SMYD3: variants seen among roughly 807,000 people sequenced by gnomAD.
SMYD3 encodes SET and MYND domain containing 3, also known as histone-lysine N-methyltransferase SMYD3.
In SMYD3, 36 loss-of-function variants were observed where a neutral mutation model predicts 57.7. The observed-to-expected ratio is 0.62, with a 90% CI of 0.48 to 0.82. SMYD3 has a LOEUF of 0.82. Among genes scored for constraint, SMYD3 ranks in the 40% least tolerant of loss-of-function variants. The pLI is 0.00. For synonymous variants in SMYD3, 211 were observed against 195.0 expected, an observed-to-expected ratio of 1.08 and a Z score of -0.68; for missense variants, 515 against 538.8, an observed-to-expected ratio of 0.96 and a Z score of 0.44.
chr1:246,437,031 C>G (rs2067389203), intron 1 of SMYD3, among the ~76,000 whole-genome samples: 1 of 151,690 alleles, frequency 6.6e-6, no homozygotes, highest in Admixed American at 6.6e-5. Flanking sequence ...TCCCAAGTAG[C>G]TGGGATTACA....
intron 5 of SMYD3, among the ~76,000 whole-genome samples, chr1:246,058,624 A>G (rs999473806): frequency 2.6e-5 from 4 of 152,202 alleles, no homozygotes; most frequent in Non-Finnish European, 5.9e-5. Context: ...AAGCCAGTAC[A>G]AGGAAGCTTG....
chr1:246,057,695 A>G (rs952489158), intron 5 of SMYD3, among the ~76,000 whole-genome samples: 1 of 152,232 alleles, frequency 6.6e-6, no homozygotes, highest in African/African-American at 2.4e-5. Context: ...CAGTTTGGCA[A>G]TTTCTTACAG....
At chr1:245,753,453 G>A (rs2045479051) in intron 11 of SMYD3, among the ~76,000 whole-genome samples, 1 of 152,248 alleles carries the variant, frequency 6.6e-6, no homozygotes, top group African/African-American at 2.4e-5. Context: ...GTGCGTGGAT[G>A]AATGGTGTGA....
chr1:246,115,285 A>G (rs2061326024), intron 5 of SMYD3, among the ~76,000 whole-genome samples: 1 of 152,226 alleles, frequency 6.6e-6, no homozygotes. Flanking sequence ...TAAGACCACG[A>G]ATACTGCCTG....
chr1:245,875,371 T>G (rs2052428849), intron 8 of SMYD3, among the ~76,000 whole-genome samples: 1 of 152,180 alleles, frequency 6.6e-6, no homozygotes, highest in Non-Finnish European at 1.5e-5. Flanking sequence ...GTGATTTCAC[T>G]CAGAACATGC....
chr1:246,263,835 C>A (rs1266972962), intron 5 of SMYD3, among the ~76,000 whole-genome samples: 1 of 152,144 alleles, frequency 6.6e-6, no homozygotes, highest in East Asian at 1.9e-4. Context: ...TTAACCACTT[C>A]TTCATATCTT....
At chr1:246,169,743 A>T (rs2062294969) in intron 5 of SMYD3, among the ~76,000 whole-genome samples, 1 of 152,114 alleles carries the variant, frequency 6.6e-6, no homozygotes, top group Non-Finnish European at 1.5e-5. Context: ...ATGTCTACTA[A>T]AACTACAAAA....
chr1:246,376,318 G>T (rs977373305), intron 1 of SMYD3, among the ~76,000 whole-genome samples: 1 of 152,034 alleles, frequency 6.6e-6, no homozygotes, highest in African/African-American at 2.4e-5. Flanking sequence ...GCAGGGCACA[G>T]TAGCTTTGGG....
At chr1:246,162,603 A>G (rs906076786) in intron 5 of SMYD3, among the ~76,000 whole-genome samples, 2 of 152,210 alleles carry the variant, frequency 1.3e-5, no homozygotes, top group Non-Finnish European at 2.9e-5. Context: ...GCATCATTAC[A>G]AAATAACCAG....
chr1:246,139,405 T>C (rs1298919315), intron 5 of SMYD3, among the ~76,000 whole-genome samples: 1 of 152,242 alleles, frequency 6.6e-6, no homozygotes, highest in Non-Finnish European at 1.5e-5. Flanking sequence ...TAATATTTAA[T>C]GATTATTTTC....
intron 5 of SMYD3, among the ~76,000 whole-genome samples, chr1:246,012,070 G>C (rs1030844913): frequency 1.3e-5 from 2 of 151,998 alleles, no homozygotes; most frequent in Admixed American, 6.6e-5. Flanking sequence ...CCAACTGCTT[G>C]CTCGATGACT....
chr1:246,171,941 T>A (rs560630739), intron 5 of SMYD3, among the ~76,000 whole-genome samples: 1 of 152,158 alleles, frequency 6.6e-6, no homozygotes, highest in East Asian at 1.9e-4. Flanking sequence ...AGCCCAGGAG[T>A]TCGAGGCTAC....
intron 5 of SMYD3, among the ~76,000 whole-genome samples, chr1:246,226,896 C>T (rs2063338077): frequency 6.6e-6 from 1 of 152,110 alleles, no homozygotes; most frequent in Admixed American, 6.5e-5. Context: ...CTCAAGAAGA[C>T]CTTATAAATC....
chr1:246,424,733 A>G (rs1041480588), intron 1 of SMYD3, among the ~76,000 whole-genome samples: 1 of 152,240 alleles, frequency 6.6e-6, no homozygotes, highest in Non-Finnish European at 1.5e-5. Context: ...TTGAACTACT[A>G]GACATCGCCA....
At chr1:245,864,480 G>C (rs36035142) in intron 8 of SMYD3, among the ~76,000 whole-genome samples, 84,545 of 152,086 alleles carry the variant, frequency 0.56, 26,674 homozygotes, top group Non-Finnish European at 0.73. Flanking sequence ...CATGGATGAG[G>C]CTTGAATACG....
At chr1:246,378,345 T>C (rs1213065652) in intron 1 of SMYD3, among the ~76,000 whole-genome samples, 5 of 152,078 alleles carry the variant, frequency 3.3e-5, no homozygotes, top group African/African-American at 1.2e-4. Flanking sequence ...CCAAAGGAGA[T>C]GAACATTTGA....
At chr1:246,246,068 T>A (rs756490166) in intron 5 of SMYD3, among the ~76,000 whole-genome samples, 80 of 152,312 alleles carry the variant, frequency 5.3e-4, no homozygotes, top group Admixed American at 3.0e-3. Context: ...TCCATGTAGG[T>A]TTTGAGAAAG....
In SMYD3 at chr1:246,335,542, A is replaced by T. The variant is rs972618293; in HGVS notation, c.229-68T>A. The T allele has an allele frequency of 5.0e-6, 6 of 1,208,756 alleles. No individual in the cohort carries two copies. In the African/African-American group the frequency reaches 9.0e-5, roughly 18 times the overall value. The allele number at this position is 1,208,756 out of a possible 1,614,324, so 74.9% of individuals were successfully genotyped here. ...TAACTTTCATTTATACTGGTTTTGA[A>T]CATCAAGAGTCATAAACATTAAATT... On this transcript the variant is annotated intron_variant, in intron 2 of 11. Transcript: ENST00000490107.
At chr1:246,035,382 A>G (rs888705618) in intron 5 of SMYD3, 1 of 152,148 alleles carries the variant, frequency 6.6e-6, no homozygotes, top group Non-Finnish European at 1.5e-5. Flanking sequence ...GAAGTTTCTG[A>G]GTTGAAGTAA....
Sources: allele counts gnomAD v4.1 joint callset (sites outside exome capture counted in the v4.1 genomes callset), GRCh38; gene constraint gnomAD v4.1.1; transcripts MANE v1.5; gene names NCBI Gene and HGNC (gene_info 2026-07-23, HGNC 2026-07-21).